TRIM36: variants seen among roughly 807,000 people sequenced by gnomAD.
TRIM36 encodes the protein E3 ubiquitin-protein ligase TRIM36.
Under a neutral mutation model 72.4 loss-of-function variants are expected in TRIM36, and 42 were observed. The ratio of observed to expected loss-of-function variants is 0.58; its 90% CI spans 0.45 to 0.75. TRIM36 has a LOEUF of 0.75. TRIM36 is among the 30% of genes least tolerant of loss of function. TRIM36 has a pLI of 0.00. For synonymous variants in TRIM36, 315 were observed against 282.8 expected (o/e 1.11, Z -1.14); for missense variants, 913 against 857.1 (o/e 1.07, Z -0.81).
At chr5:115,171,247 A>G (rs779431568), upstream of TRIM36, 2 of 1,613,848 alleles carry the variant, frequency 1.2e-6, no homozygotes, top group Admixed American at 1.7e-5. Context: ...TAGAATTAAA[A>G]ACACTGAGGG....
intron 5 of TRIM36, among the ~76,000 whole-genome samples, chr5:115,140,460 TAA>T (rs1382855133): frequency 6.6e-6 from 1 of 152,210 alleles, no homozygotes; most frequent in Non-Finnish European, 1.5e-5. Context: ...CATGTAAGTA[TAA>T]AGACTAATGA....
chr5:115,132,586 C>T (rs1203459463), intron 8 of TRIM36, among the ~76,000 whole-genome samples: 1 of 150,238 alleles, frequency 6.7e-6, no homozygotes, highest in East Asian at 2.0e-4. Context: ...TAGCAAACTA[C>T]AGCCATTACC....
intron 4 of TRIM36, among the ~76,000 whole-genome samples, chr5:115,141,774 G>A (rs568736578): frequency 3.8e-4 from 58 of 151,822 alleles, no homozygotes; most frequent in Admixed American, 1.5e-3. Context: ...AAACACCCAC[G>A]TGCACACACA....
chr5:115,158,587 C>A (rs761876467), intron 2 of TRIM36, among the ~76,000 whole-genome samples: 2 of 152,174 alleles, frequency 1.3e-5, no homozygotes, highest in Non-Finnish European at 2.9e-5. Context: ...TACTGTTGGG[C>A]TTTTGCTGTT....
chr5:115,180,111 G>GT, exon 1 of TRIM36: 1 of 1,485,636 alleles, frequency 6.7e-7, no homozygotes, highest in Non-Finnish European at 9.3e-7. Context: ...CTCTTTTTCT[G>GT]TTTTTAGTCT....
In TRIM36 at chr5:115,134,087, T is replaced by G. The variant is rs192466114; in HGVS notation, c.1271A>C (p.Asn424Thr). 1.9e-6 allele frequency: 3 copies of G among 1,613,376 alleles called. No homozygotes were observed. In the African/African-American group the frequency reaches 4.0e-5, roughly 22 times the overall value. ...QSKVYNNALI[N>T]WHHPEKDKAD... ...TTTATCCTTTTCTGGATGGTGCCAA[T>G]TTATCAAGGCATTGTTATAAACTTT... is the stretch of plus-strand genomic sequence containing the variant. Residue 424 changes from asparagine (N) to threonine (T), a missense_variant, in exon 8 of 10, where the codon AAT becomes ACT. Physicochemically the swap from Asn to Thr is moderately conservative, Grantham distance 65. Coordinates refer to ENST00000513154, the MANE Select transcript of TRIM36 (RefSeq NM_001300759.2).
intron 4 of TRIM36, among the ~76,000 whole-genome samples, chr5:115,141,909 C>A (rs920554247): frequency 1.3e-5 from 2 of 152,042 alleles, no homozygotes; most frequent in African/African-American, 4.8e-5. Flanking sequence ...AGGCAATTTC[C>A]AGAGCTCTTT....
chr5:115,128,611 G>A (rs1580633068), intron 9 of TRIM36, among the ~76,000 whole-genome samples: 1 of 148,076 alleles, frequency 6.8e-6, no homozygotes, highest in South Asian at 2.2e-4. Flanking sequence ...AATTAGCCGG[G>A]CGCGGTGGCG....
Position 115,137,059 on chromosome 5 carries a change from T to C in TRIM36, c.1151A>G (p.Tyr384Cys), listed in dbSNP as rs575038084. 6.8e-6 allele frequency: 11 copies of C among 1,611,900 alleles called. No homozygotes were observed. The highest frequency in any genetic ancestry group is 1.1e-5 in the South Asian group (1 of 90,440). The part of the protein sequence containing the change: ...RPAAQTSFED[Y>C]VVNTSKQTEL... ...TGTTTGTTTAGAGGTATTAACAACA[T>C]AGTCTTCAAAAGAAGTCTGAGCTGC... Residue 384 changes from tyrosine (Y) to cysteine (C), a missense_variant, in exon 7 of 10, where the codon TAT (tyrosine) becomes TGT (cysteine). Transcript: ENST00000513154.
chr5:115,180,189 A>G (rs78925096), upstream of TRIM36: 1,017 of 720,982 alleles, frequency 1.4e-3, 5 homozygotes, highest in African/African-American at 0.017. Context: ...GGGGAAAGCA[A>G]GAAGCGGGCT....
chr5:115,172,349 G>A (rs1430299331), upstream of TRIM36, among the ~76,000 whole-genome samples: 2 of 152,130 alleles, frequency 1.3e-5, no homozygotes, highest in African/African-American at 4.8e-5. Flanking sequence ...AGAGCTTATT[G>A]AGACCTTATT....
rs185841329 is a variant in TRIM36 at position 115,129,510 on chromosome 5, A to G, written c.1796+1082T>C. Among the ~76,000 whole-genome samples the G allele has an allele frequency of 6.0e-4, 91 of 152,322 alleles. 1 individual carries two copies. Among genetic ancestry groups the G allele is most frequent in the East Asian group, 4.0e-3 (21 of 5,186 alleles). ...GAGGCAGAGGTTGCGGTGAGCCAAG[A>G]TCGCGCCATTGCACTCCAGCCTGGT... On this transcript the variant is annotated intron_variant, in intron 9 of 9. Coordinates refer to ENST00000513154, the MANE Select transcript of TRIM36 (RefSeq NM_001300759.2).
upstream of TRIM36, chr5:115,174,240 A>G (rs1755239531): frequency 6.6e-6 from 1 of 152,194 alleles, no homozygotes; most frequent in Non-Finnish European, 1.5e-5. Context: ...CAGGCAGGGT[A>G]CCACCATTCT....
At chr5:115,161,157 T>C (rs1754462871) in intron 2 of TRIM36, among the ~76,000 whole-genome samples, 1 of 152,052 alleles carries the variant, frequency 6.6e-6, no homozygotes, top group Admixed American at 6.6e-5. Context: ...ATTACAGCTG[T>C]TATAAAGCTT....
rs1420088240 is a variant in TRIM36 at position 115,169,880 on chromosome 5, C to G, written c.-246G>C. On this transcript the variant is annotated 5_prime_UTR_variant, in exon 1 of 10. Coordinates refer to ENST00000513154, the MANE Select transcript of TRIM36 (RefSeq NM_001300759.2). The stretch of plus-strand genomic sequence containing the variant: ...TACCCCGGGAATCCCGCCCAGCTGC[C>G]GGCTGCAGCAGCGGCTCCTGCGGAC... The G allele has an allele frequency of 6.9e-6, 9 of 1,302,288 alleles. No individual in the cohort carries two copies. Among genetic ancestry groups the G allele is most frequent in the Admixed American group, 7.8e-5 (2 of 25,616 alleles). The allele number at this position is 1,302,288 out of a possible 1,614,324, so 80.7% of individuals were successfully genotyped here.
Position 115,147,171 on chromosome 5 carries a change from A to G in TRIM36, c.486T>C (p.Cys162=). ...AGCATTCATTGCAGTAACTTGCACT[A>G]CAGTCCATGCAGCTTTTTGTGGATT... ...PQESTKSCMD[C]SASYCNECFK... Residue 162 remains cysteine, a synonymous_variant, in exon 3 of 10, where the codon TGT becomes TGC. Coordinates refer to ENST00000513154, the MANE Select transcript of TRIM36 (RefSeq NM_001300759.2). 6.2e-7 allele frequency: 1 copy of G among 1,614,234 alleles called. No individual in the cohort carries two copies. The highest frequency in any genetic ancestry group is 8.5e-7 in the Non-Finnish European group (1 of 1,180,038).
At chr5:115,180,201 G>T, upstream of TRIM36, 1 of 663,868 alleles carries the variant, frequency 1.5e-6, no homozygotes. Flanking sequence ...AAGCGGGCTT[G>T]GGTGAAATGA....
chr5:115,126,971 G>A lies in TRIM36; in HGVS notation c.1797-114C>T, dbSNP rs185344732. 292 of 1,073,102 alleles carry A rather than the reference G, an allele frequency of 2.7e-4. 5 individuals are homozygous for A. In the Admixed American group the frequency reaches 7.5e-3, roughly 28 times the overall value. 66.5% of individuals were successfully genotyped at this position (1,073,102 alleles called of 1,614,324 possible). On this transcript the variant is annotated intron_variant, in intron 9 of 9. Coordinates refer to ENST00000513154, the MANE Select transcript of TRIM36 (RefSeq NM_001300759.2). ...AGTTAAAATAGTTTTTACATCAAAA[G>A]CTTTCTATTAAAACAAAATCAAAAA...
intron 2 of TRIM36, among the ~76,000 whole-genome samples, chr5:115,162,850 T>C (rs571902019): frequency 2.0e-5 from 3 of 152,306 alleles, no homozygotes; most frequent in Admixed American, 2.0e-4. Flanking sequence ...GCAGTATTTA[T>C]TTTCCTATTA....
Sources: gnomAD v4.1 joint callset for allele counts (sites outside exome capture counted in the v4.1 genomes callset) on GRCh38, gnomAD v4.1.1 for gene constraint, MANE v1.5 for transcripts, NCBI Gene and HGNC (gene_info 2026-07-23, HGNC 2026-07-21) for gene names.